Variants in CUX1 observed in about 807,000 individuals in gnomAD.
The protein encoded by CUX1 is cut like homeobox 1.
CUX1 carries 31 observed loss-of-function variants against 158.8 expected under a neutral mutation model. That is an observed-to-expected ratio of 0.20 (90% CI 0.15 to 0.26). The LOEUF (loss-of-function observed/expected upper bound fraction) is 0.26. Among genes scored for constraint, CUX1 ranks in the 10% least tolerant of loss-of-function variants. The probability of loss-of-function intolerance (pLI) is 1.00; values close to 1 mark genes in which losing one functional copy is unlikely to be tolerated. For synonymous variants in CUX1, 879 were observed against 862.1 expected (o/e 1.02, Z -0.34); for missense variants, 1,589 against 2,014.6 (o/e 0.79, Z 4.04).
In CUX1 at chr7:102,254,845, G is replaced by T. The variant is rs189588459; in HGVS notation, c.*5803G>T. On this transcript the variant is annotated 3_prime_UTR_variant, in exon 24 of 24. Transcript: ENST00000292535. ...CGGCACACTCGAACGCTAAGAGAAT[G>T]GTCCAATTTGATGATCTTATTTCTA... The T allele has an allele frequency of 2.4e-3, 2,328 of 985,432 alleles. 5 individuals are homozygous for T. Among genetic ancestry groups the T allele is most frequent in the Non-Finnish European group, 2.6e-3 (2,176 of 829,948 alleles). 61.0% of individuals were successfully genotyped at this position (985,432 alleles called of 1,614,324 possible). A position where few individuals can be genotyped will look rare whatever the true frequency, so the allele number is the denominator to read the frequency against.
chr7:102,239,420 G>A lies in CUX1; in HGVS notation c.3723G>A (p.Gln1241=), dbSNP rs1188297740. ...EYSQGASPQP[Q]HQLKKPRVVL... ...GCCAGGGCGCCAGCCCCCAGCCCCA[G>A]CACCAGCTGAAGAAACCCCGGGTGG... The change falls in exon 23 of 24, where the codon CAG becomes CAA. Residue 1241 remains glutamine (Q), a synonymous_variant. Coordinates refer to ENST00000292535, the MANE Select transcript of CUX1 (RefSeq NM_181552.4). The A allele has an allele frequency of 1.9e-5, 31 of 1,613,770 alleles. No homozygotes were observed. The highest frequency in any genetic ancestry group is 2.5e-5 in the Non-Finnish European group (29 of 1,179,934).
chr7:101,902,694 C>T lies in CUX1; in HGVS notation c.31-13421C>T, dbSNP rs529397478. Among the ~76,000 whole-genome samples, 26 of 152,272 alleles carry T rather than the reference C, an allele frequency of 1.7e-4. No homozygotes were observed. The South Asian group carries it at 4.3e-3, about 25-fold the overall frequency. ...GGACCTGTCTGTTGTCTTTGACATCCGTCTTCTGTCCTGCAGACGGAGCAG... is the reference window on the plus strand; with the variant it reads ...GGACCTGTCTGTTGTCTTTGACATCTGTCTTCTGTCCTGCAGACGGAGCAG... On this transcript the variant is annotated intron_variant, in intron 1 of 23. Coordinates refer to ENST00000292535, the MANE Select transcript of CUX1 (RefSeq NM_181552.4).
At chr7:102,023,913 G>A (rs1297778271) in intron 2 of CUX1, among the ~76,000 whole-genome samples, 2 of 152,164 alleles carry the variant, frequency 1.3e-5, no homozygotes, top group African/African-American at 4.8e-5. Context: ...AGGTCTGTTA[G>A]GAGACATGAA....
intron 19 of CUX1, chr7:102,280,767 C>T (rs1554549030): frequency 8.7e-6 from 14 of 1,609,746 alleles, no homozygotes; most frequent in African/African-American, 1.3e-5. Flanking sequence ...CTGTGAGGTC[C>T]TTTGGGGTCC....
intron 22 of CUX1, among the ~76,000 whole-genome samples, chr7:102,238,093 C>G (rs1563467454): frequency 6.6e-6 from 1 of 152,192 alleles, no homozygotes; most frequent in African/African-American, 2.4e-5. Flanking sequence ...AGCACAGCAT[C>G]ACAGGGAGAT....
intron 1 of CUX1, among the ~76,000 whole-genome samples, chr7:101,819,667 G>A (rs1792258845): frequency 6.6e-6 from 1 of 152,062 alleles, no homozygotes; most frequent in African/African-American, 2.4e-5. Flanking sequence ...TGCTGCTCCT[G>A]CTTTTGTTTT....
chr7:102,055,077 G>A (rs532634347), intron 3 of CUX1, among the ~76,000 whole-genome samples: 2 of 152,220 alleles, frequency 1.3e-5, no homozygotes, highest in South Asian at 4.1e-4. Context: ...CAATCCATAA[G>A]CATTGGCCAT....
At chr7:102,208,443 G>T (rs537852190) in intron 20 of CUX1, among the ~76,000 whole-genome samples, 2 of 152,352 alleles carry the variant, frequency 1.3e-5, no homozygotes, top group African/African-American at 4.8e-5. Flanking sequence ...GTTTCGCCCT[G>T]TTGGCCAGGT....
At chr7:102,180,190 CTT>C (rs1792875166) in intron 11 of CUX1, among the ~76,000 whole-genome samples, 2 of 152,038 alleles carry the variant, frequency 1.3e-5, no homozygotes, top group African/African-American at 4.8e-5. Flanking sequence ...GCCAGACTAA[CTT>C]TTATATTTTT....
chr7:101,888,918 G>A (rs1457429281), intron 1 of CUX1, among the ~76,000 whole-genome samples: 2 of 151,864 alleles, frequency 1.3e-5, no homozygotes, highest in Non-Finnish European at 2.9e-5. Flanking sequence ...TTGAATTTTG[G>A]CACTCCTTGC....
At position 102,201,882 on chromosome 7, in the gene CUX1, A is replaced by T. The variant is rs782294140; in HGVS notation, c.2585A>T (p.Gln862Leu). 5 of 1,613,424 alleles carry T rather than the reference A, an allele frequency of 3.1e-6. No homozygotes were observed. The highest frequency in any genetic ancestry group is 4.2e-6 in the Non-Finnish European group (5 of 1,179,908). Residue 862 changes from glutamine (Q) to leucine (L), a missense_variant, in exon 18 of 24, where the codon CAG (glutamine) becomes CTG (leucine). Physicochemically the swap from Gln to Leu is moderately radical, Grantham distance 113. This residue lies in a region of CUX1 where 337 missense variants were observed against 409.3 expected (regional missense o/e 0.82). Coordinates refer to ENST00000292535, the MANE Select transcript of CUX1 (RefSeq NM_181552.4). The surrounding 1 kb of genome is among the most constrained non-coding windows in gnomAD (Gnocchi z 5.0). ...KGSGGSGGGS[Q>L]PRAERSQLQG... ...AGCGGTGGCAGCGGAGGTGGCAGCC[A>T]GCCTCGGGCCGAGCGCAGTCAGCTC... is the stretch of plus-strand genomic sequence containing the variant.
intron 23 of CUX1, 90 bp downstream of exon 23, chr7:102,239,674 TG>T: frequency 6.8e-7 from 1 of 1,479,498 alleles, no homozygotes. Flanking sequence ...GGGGTGAGGC[TG>T]GGGCCGGAGG....
At chr7:101,831,444 C>T (rs1793997381) in intron 1 of CUX1, among the ~76,000 whole-genome samples, 1 of 152,156 alleles carries the variant, frequency 6.6e-6, no homozygotes, top group Non-Finnish European at 1.5e-5. Context: ...GTGTGCACCA[C>T]CACGCCGGGC....
chr7:101,988,253 C>T (rs994439331), intron 2 of CUX1, among the ~76,000 whole-genome samples: 5 of 152,182 alleles, frequency 3.3e-5, no homozygotes, highest in South Asian at 2.1e-4. Flanking sequence ...GAGTCAGCCC[C>T]GGTGTCTGAT....
chr7:102,261,493 C>CA (rs1395863558), downstream of CUX1, among the ~76,000 whole-genome samples: 1 of 148,726 alleles, frequency 6.7e-6, no homozygotes, highest in Non-Finnish European at 1.5e-5. Context: ...GACTCTGGCT[C>CA]AAAAAAATAA....
intron 2 of CUX1, among the ~76,000 whole-genome samples, chr7:101,932,041 CTCTGGT>C (rs1299846725): frequency 1.3e-5 from 2 of 152,210 alleles, no homozygotes; most frequent in Non-Finnish European, 2.9e-5. Flanking sequence ...ACTTCACTTA[CTCTGGT>C]TCATTGTGTG....
intron 1 of CUX1, among the ~76,000 whole-genome samples, chr7:101,887,905 G>T (rs994971184): frequency 1.4e-4 from 21 of 146,424 alleles, no homozygotes; most frequent in Non-Finnish European, 2.5e-4. Flanking sequence ...TTTGGTTTAC[G>T]GAAAGCCCAG....
chr7:102,052,662 A>G (rs1823653616), intron 3 of CUX1, among the ~76,000 whole-genome samples: 4 of 152,208 alleles, frequency 2.6e-5, no homozygotes, highest in Admixed American at 2.6e-4. Flanking sequence ...ACCTAGGAGT[A>G]GAATTGCTGA....
intron 1 of CUX1, chr7:101,913,309 G>A (rs543746260): frequency 5.7e-6 from 7 of 1,230,564 alleles, no homozygotes; most frequent in East Asian, 1.2e-4. Flanking sequence ...GGAGACCCCC[G>A]TGGGTTTCCC....
Sources: gnomAD v4.1 joint callset for allele counts (sites outside exome capture counted in the v4.1 genomes callset) on GRCh38, gnomAD v4.1.1 for gene constraint, gnomAD v4.1.1 regional missense constraint, Gnocchi (gnomAD v3.1) non-coding constraint, MANE v1.5 for transcripts, NCBI Gene and HGNC (gene_info 2026-07-23, HGNC 2026-07-21) for gene names.